NPFFR2: variants seen among roughly 807,000 people sequenced by gnomAD.
The protein encoded by NPFFR2 is G-protein coupled receptor 74.
In NPFFR2, 15 loss-of-function variants were observed where a neutral mutation model predicts 13.1. The observed-to-expected ratio is 1.15, with a 90% confidence interval of 0.77 to 1.76. The LOEUF (loss-of-function observed/expected upper bound fraction) is 1.76. NPFFR2 is among the 40% of genes most tolerant of loss of function. The pLI is 0.00. For synonymous variants in NPFFR2, 190 were observed against 175.7 expected (o/e 1.08, Z -0.65); for missense variants, 572 against 503.5 (o/e 1.14, Z -1.30).
At chr4:72,126,563 C>A (rs569852612) in intron 1 of NPFFR2, among the ~76,000 whole-genome samples, 26 of 152,294 alleles carry the variant, frequency 1.7e-4, no homozygotes, top group African/African-American at 6.3e-4. Flanking sequence ...TATACTGATA[C>A]ACAGGTTTAC....
intron 1 of NPFFR2, among the ~76,000 whole-genome samples, chr4:72,058,136 AT>A (rs1719811520): frequency 1.3e-5 from 2 of 151,958 alleles, no homozygotes; most frequent in African/African-American, 4.8e-5. Context: ...ATCAGTGATA[AT>A]TTCCTGATTT....
chr4:72,070,575 G>T (rs11721907), intron 1 of NPFFR2, among the ~76,000 whole-genome samples: 131,325 of 136,514 alleles, frequency 0.96, 63,455 homozygotes, highest in Non-Finnish European at 0.99. Flanking sequence ...GGGGGGGGTG[G>T]GGCTCTGGTG....
At chr4:72,114,403 A>G (rs1721651527) in intron 1 of NPFFR2, among the ~76,000 whole-genome samples, 1 of 152,144 alleles carries the variant, frequency 6.6e-6, no homozygotes, top group Non-Finnish European at 1.5e-5. Flanking sequence ...ATATCTAGAT[A>G]ATCACATATA....
At chr4:72,094,771 C>T (rs1368956292) in intron 1 of NPFFR2, among the ~76,000 whole-genome samples, 3 of 152,186 alleles carry the variant, frequency 2.0e-5, no homozygotes, top group Non-Finnish European at 4.4e-5. Context: ...GGACTCAGCT[C>T]CTCTGCTGCC....
At chr4:72,078,598 TA>T (rs1408870961) in intron 1 of NPFFR2, among the ~76,000 whole-genome samples, 3 of 152,104 alleles carry the variant, frequency 2.0e-5, no homozygotes, top group Non-Finnish European at 4.4e-5. Context: ...CTAGAATAGC[TA>T]AAACAACCTT....
In NPFFR2 at chr4:72,050,285, T is replaced by C. The variant is rs775553917; in HGVS notation, c.-8+18085T>C. Among the ~76,000 whole-genome samples, 95 of 151,944 alleles carry C rather than the reference T, an allele frequency of 6.3e-4. 2 individuals carry two copies. Among genetic ancestry groups the C allele is most frequent in the Non-Finnish European group, 2.5e-4 (17 of 67,968 alleles). On this transcript the variant is annotated intron_variant, in intron 1 of 3. Coordinates refer to ENST00000308744, the MANE Select transcript of NPFFR2 (RefSeq NM_004885.3). ...ACATTAACCAGAAGACAGGGTACTA[T>C]ATAAACCCAAACTAATATTTTAAGC...
intron 1 of NPFFR2, among the ~76,000 whole-genome samples, chr4:72,059,233 A>G (rs901549434): frequency 6.6e-6 from 1 of 152,090 alleles, no homozygotes; most frequent in African/African-American, 2.4e-5. Context: ...TGTAATGACA[A>G]GATGGGCAAG....
intron 1 of NPFFR2, among the ~76,000 whole-genome samples, chr4:72,034,023 C>A (rs1718987909): frequency 6.6e-6 from 1 of 152,098 alleles, no homozygotes; most frequent in Admixed American, 6.5e-5. Flanking sequence ...GGATTTCCAG[C>A]TGTAACATGG....
intron 1 of NPFFR2, among the ~76,000 whole-genome samples, chr4:72,105,716 T>G (rs1261417423): frequency 1.3e-5 from 2 of 152,002 alleles, no homozygotes; most frequent in African/African-American, 4.8e-5. Flanking sequence ...TTGAAGAGAC[T>G]ATTTATTTAT....
intron 1 of NPFFR2, among the ~76,000 whole-genome samples, chr4:72,084,104 C>T (rs941194046): frequency 3.3e-5 from 5 of 152,176 alleles, no homozygotes; most frequent in Non-Finnish European, 7.3e-5. Context: ...TTTCCTGCTT[C>T]TATTCTTGCT....
intron 3 of NPFFR2, among the ~76,000 whole-genome samples, chr4:72,139,615 AT>A (rs1361287404): frequency 6.6e-6 from 1 of 152,020 alleles, no homozygotes; most frequent in Non-Finnish European, 1.5e-5. Flanking sequence ...CCATTGGTCT[AT>A]CTCTCTGTTT....
At chr4:72,089,596 ATTTG>A (rs777381973) in intron 1 of NPFFR2, among the ~76,000 whole-genome samples, 3 of 151,836 alleles carry the variant, frequency 2.0e-5, no homozygotes, top group Non-Finnish European at 4.4e-5. Flanking sequence ...GCATTTTTTC[ATTTG>A]TTTGTTGGCC....
At chr4:72,122,246 C>T (rs1346809038) in intron 1 of NPFFR2, among the ~76,000 whole-genome samples, 1 of 152,176 alleles carries the variant, frequency 6.6e-6, no homozygotes, top group Non-Finnish European at 1.5e-5. Flanking sequence ...CACCCAGATT[C>T]ATAAAACAAG....
chr4:72,079,519 GA>G (rs1375071941), intron 1 of NPFFR2, among the ~76,000 whole-genome samples: 2 of 152,100 alleles, frequency 1.3e-5, no homozygotes, highest in Non-Finnish European at 2.9e-5. Flanking sequence ...AAATAGATCA[GA>G]GACCTAAATG....
intron 1 of NPFFR2, among the ~76,000 whole-genome samples, chr4:72,084,686 C>G (rs935763150): frequency 2.6e-5 from 4 of 152,146 alleles, no homozygotes; most frequent in Non-Finnish European, 5.9e-5. Context: ...AAGAGGCCCA[C>G]TCTCAGCGTT....
chr4:72,082,145 G>A (rs985465728), intron 1 of NPFFR2, among the ~76,000 whole-genome samples: 1 of 152,172 alleles, frequency 6.6e-6, no homozygotes, highest in African/African-American at 2.4e-5. Flanking sequence ...TGTTTGGAAA[G>A]TAACTGTATT....
intron 1 of NPFFR2, among the ~76,000 whole-genome samples, chr4:72,053,293 A>C (rs4694453): frequency 0.89 from 135,175 of 151,612 alleles, 61,356 homozygotes; most frequent in Non-Finnish European, 0.98. Flanking sequence ...TCTCCAGGCT[A>C]TGTGGAGAAC....
At chr4:72,047,575 C>G (rs1442853908) in intron 1 of NPFFR2, among the ~76,000 whole-genome samples, 1 of 152,140 alleles carries the variant, frequency 6.6e-6, no homozygotes, top group Non-Finnish European at 1.5e-5. Context: ...CCCCACTGCC[C>G]AGGTTTCCCA....
At chr4:72,090,633 A>G (rs1038261423) in intron 1 of NPFFR2, among the ~76,000 whole-genome samples, 7 of 151,974 alleles carry the variant, frequency 4.6e-5, no homozygotes, top group African/African-American at 1.4e-4. Context: ...CAGCTTGGTC[A>G]CTGTTGGTGT....
Sources: allele counts gnomAD v4.1 joint callset (sites outside exome capture counted in the v4.1 genomes callset), GRCh38; gene constraint gnomAD v4.1.1; transcripts MANE v1.5; gene names NCBI Gene and HGNC (gene_info 2026-07-23, HGNC 2026-07-21).